Variants in SMARCE1 observed in about 807,000 individuals in gnomAD.
SMARCE1 encodes the protein SWI/SNF-related matrix-associated actin-dependent regulator of chromatin subfamily E member 1.
In SMARCE1, 13 loss-of-function variants were observed where a neutral mutation model predicts 54.9. The observed-to-expected ratio is 0.24, with a 90% CI of 0.15 to 0.38. The LOEUF is 0.38. Among genes scored for constraint, SMARCE1 ranks in the 10% least tolerant of loss-of-function variants. The pLI, the probability that SMARCE1 is intolerant of heterozygous loss-of-function variation, is 1.00. For missense variants in SMARCE1, 295 were observed against 523.8 expected, an observed-to-expected ratio of 0.56 and a Z score of 4.26; for synonymous variants, 151 against 175.3, an observed-to-expected ratio of 0.86 and a Z score of 1.10.
Position 40,632,329 on chromosome 17 carries a change from C to A in SMARCE1, c.580G>T (p.Ala194Ser), listed in dbSNP as rs753397709. 2.5e-6 allele frequency: 4 copies of A among 1,613,962 alleles called. No individual in the cohort carries two copies. The highest frequency in any genetic ancestry group is 2.2e-5 in the East Asian group (1 of 44,890). ...AGGCGGTGGTTTCTCTGGAAACGGG[C>A]GGTGGCTGTATGCTTCATTGAAAAG... The part of the protein sequence containing the change: ...DGFSMKHTAT[A>S]RFQRNHRLIS... Residue 194 changes from alanine (A) to serine (S), a missense_variant, in exon 8 of 11, where the codon GCC becomes TCC. Physicochemically the swap from Ala to Ser is moderately conservative, Grantham distance 99 (BLOSUM62 1). Transcript: ENST00000348513.
rs2037205381 is a variant in SMARCE1 at position 40,642,124 on chromosome 17, A to C, written c.156+331T>G. The C allele has an allele frequency of 2.2e-6, 1 of 457,670 alleles. No homozygotes were observed. The highest frequency in any genetic ancestry group is 3.3e-5 in the South Asian group (1 of 30,008). 28.4% of individuals were successfully genotyped at this position (457,670 alleles called of 1,614,324 possible). The stretch of plus-strand genomic sequence containing the variant: ...TGAGACTAATGCCAATCACCTTATA[A>C]AAATGAAAAATACTCTTTATGTCAA... On this transcript the variant is annotated intron_variant, in intron 4 of 10. Coordinates refer to ENST00000348513, the MANE Select transcript of SMARCE1 (RefSeq NM_003079.5). The surrounding 1 kb of genome is among the most constrained non-coding windows in gnomAD (Gnocchi z 4.6).
intron 10 of SMARCE1, chr17:40,630,023 G>A: frequency 2.3e-6 from 1 of 434,980 alleles, no homozygotes; most frequent in Non-Finnish European, 4.1e-6. Flanking sequence ...TTGCAACGAT[G>A]CTCCAGGAAG....
At position 40,628,689 on chromosome 17, in the gene SMARCE1, A is replaced by G. The variant is rs2037058356; in HGVS notation, c.*96T>C. ...CCTTTGGTGGTGTGATATGGACAAG[A>G]AAAAAAATTAATACACAAACCACGT... On this transcript the variant is annotated 3_prime_UTR_variant, in exon 11 of 11. Coordinates refer to ENST00000348513, the MANE Select transcript of SMARCE1 (RefSeq NM_003079.5). 1.0e-6 allele frequency: 1 copy of G among 995,416 alleles called. No homozygotes were observed. The highest frequency in any genetic ancestry group is 2.4e-5 in the East Asian group (1 of 40,932). 61.7% of individuals were successfully genotyped at this position (995,416 alleles called of 1,614,324 possible).
chr17:40,634,033 T>C (rs1218233732), intron 7 of SMARCE1: 1 of 152,308 alleles, frequency 6.6e-6, no homozygotes, highest in Non-Finnish European at 1.5e-5. Context: ...GCTTCTCTGG[T>C]TATGATCTAA....
rs1159717587 is a variant in SMARCE1, at chr17:40,645,864, A to G, written c.-45-17T>C. 109 of 777,474 alleles carry G rather than the reference A, an allele frequency of 1.4e-4. No homozygotes were observed. Among genetic ancestry groups the G allele is most frequent in the South Asian group, 2.2e-4 (6 of 27,064 alleles). The allele number at this position is 777,474 out of a possible 1,614,324, so 48.2% of individuals were successfully genotyped here. ...TCTGAGACACTAAAATAAAAAAAAAAGGAAAAAAAAAAGAGAATCAAAACT... is the reference window on the plus strand; with the variant it reads ...TCTGAGACACTAAAATAAAAAAAAAGGGAAAAAAAAAAGAGAATCAAAACT... On this transcript the variant is annotated splice_polypyrimidine_tract_variant and intron_variant, in intron 1 of 10. Transcript: ENST00000348513.
In SMARCE1 at chr17:40,627,634, C is replaced by A. The variant is rs977514083; in HGVS notation, c.*1151G>T. ...ATAATGGCTGAGTGGTCATTCCACACTGTCACTGCATTACAGAAAAAAACT... is the reference window on the plus strand; with the variant it reads ...ATAATGGCTGAGTGGTCATTCCACAATGTCACTGCATTACAGAAAAAAACT... On this transcript the variant is annotated 3_prime_UTR_variant, in exon 11 of 11. Coordinates refer to ENST00000348513, the MANE Select transcript of SMARCE1 (RefSeq NM_003079.5). The A allele has an allele frequency of 6.6e-6, 1 of 152,574 alleles. No individual in the cohort carries two copies. The highest frequency in any genetic ancestry group is 1.5e-5 in the Non-Finnish European group (1 of 67,994). The allele number at this position is 152,574 out of a possible 1,614,324, so 9.5% of individuals were successfully genotyped here. A position where few individuals can be genotyped will look rare whatever the true frequency, so the allele number is the denominator to read the frequency against.
At chr17:40,631,752 A>G in intron 8 of SMARCE1, 59 bp from the exon 9 acceptor site, 1 of 917,174 alleles carries the variant, frequency 1.1e-6, no homozygotes, top group Non-Finnish European at 1.8e-6. Context: ...CCATACTTTC[A>G]AACAGTGTAC....
intron 10 of SMARCE1, 26 bp downstream of exon 10, chr17:40,630,688 C>G (rs767158475): frequency 4.4e-6 from 7 of 1,592,120 alleles, no homozygotes; most frequent in Admixed American, 3.3e-5. Flanking sequence ...TTGGCACTGC[C>G]TCTGCGTTTG....
At chr17:40,636,676 CAAG>C (rs1303691362) in intron 5 of SMARCE1, 150 bp from the exon 6 acceptor site, 6 of 588,384 alleles carry the variant, frequency 1.0e-5, no homozygotes, top group Non-Finnish European at 1.5e-5. Context: ...CAAAAATTAT[CAAG>C]AACTGGCCAA....
At chr17:40,639,167 G>C (rs531463375) in intron 4 of SMARCE1, among the ~76,000 whole-genome samples, 1 of 152,276 alleles carries the variant, frequency 6.6e-6, no homozygotes, top group South Asian at 2.1e-4. Flanking sequence ...AAAAGTGGTA[G>C]GATGGGCAGC....
At chr17:40,640,459 C>T (rs1028051082) in intron 4 of SMARCE1, 2 of 152,250 alleles carry the variant, frequency 1.3e-5, no homozygotes, top group Non-Finnish European at 2.9e-5. Flanking sequence ...CCACAAGCTA[C>T]TGGACAGGGC....
intron 5 of SMARCE1, chr17:40,637,271 CTA>C: frequency 1.8e-6 from 1 of 552,904 alleles, no homozygotes; most frequent in South Asian, 2.0e-5. Flanking sequence ...ATAGAACATT[CTA>C]TCTTAAGGAT....
intron 10 of SMARCE1, chr17:40,629,665 C>T (rs1482260042): frequency 6.9e-6 from 3 of 432,882 alleles, no homozygotes; most frequent in Non-Finnish European, 1.2e-5. Flanking sequence ...TGAGTAAAGA[C>T]CTGCAAACCT....
chr17:40,628,904 C>T lies in SMARCE1; in HGVS notation c.1117G>A (p.Gly373Arg), dbSNP rs2037061907. 3.1e-6 allele frequency: 5 copies of T among 1,613,718 alleles called. No homozygotes were observed. In the South Asian group the frequency reaches 4.4e-5, roughly 14 times the overall value. Reference protein sequence around the residue: ...TPEDKESGQEGVDSMAEEGTS... With the variant: ...TPEDKESGQERVDSMAEEGTS... ...CCTTCCTCTGCCATACTGTCGACCCCCTCCTGCCCACTCTCCTTGTCCTCA... is the reference window on the plus strand; with the variant it reads ...CCTTCCTCTGCCATACTGTCGACCCTCTCCTGCCCACTCTCCTTGTCCTCA... The change falls in exon 11 of 11, where the codon GGG becomes AGG. Residue 373 changes from glycine to arginine, a missense_variant. Transcript: ENST00000348513.
intron 9 of SMARCE1, chr17:40,631,134 T>A (rs1009528960): frequency 1.8e-6 from 1 of 541,340 alleles, no homozygotes; most frequent in Non-Finnish European, 3.2e-6. Flanking sequence ...CTAGCAGTTG[T>A]ATAATATAGG....
rs776572596 is a variant in SMARCE1, at chr17:40,642,431, T to A, written c.156+24A>T. The A allele has an allele frequency of 1.5e-6, 2 of 1,333,316 alleles. No individual in the cohort carries two copies. The highest frequency in any genetic ancestry group is 2.2e-6 in the Non-Finnish European group (2 of 923,682). 82.6% of individuals were successfully genotyped at this position (1,333,316 alleles called of 1,614,324 possible). A position where few individuals can be genotyped will look rare whatever the true frequency, so the allele number is the denominator to read the frequency against. ...TGGTCAATTCCAGTTGTTTGCCGGA[T>A]GCTGTAATAGTTGATTCTCCTACCG... is the stretch of plus-strand genomic sequence containing the variant. On this transcript the variant is annotated intron_variant, in intron 4 of 10. Coordinates refer to ENST00000348513, the MANE Select transcript of SMARCE1 (RefSeq NM_003079.5). This position sits in a 1 kb window ranked among gnomAD's most constrained non-coding sequence, Gnocchi z 4.6.
intron 5 of SMARCE1, chr17:40,637,199 C>T (rs553964298): frequency 5.1e-6 from 2 of 394,736 alleles, no homozygotes; most frequent in South Asian, 2.5e-5. Flanking sequence ...TTGCAGTCCT[C>T]CTTCACTTAA....
chr17:40,645,319 C>A (rs2037244871), intron 3 of SMARCE1: 2 of 412,916 alleles, frequency 4.8e-6, no homozygotes, highest in Non-Finnish European at 8.5e-6. Flanking sequence ...ACTTATTTCC[C>A]ATTTACAAAG....
chr17:40,635,552 T>C (rs2037138573), intron 7 of SMARCE1: 1 of 157,196 alleles, frequency 6.4e-6, no homozygotes, highest in Admixed American at 6.5e-5. Flanking sequence ...CTCATTAGCT[T>C]CTCCCTTAAG....
Sources: allele counts gnomAD v4.1 joint callset (sites outside exome capture counted in the v4.1 genomes callset), GRCh38; gene constraint gnomAD v4.1.1; non-coding constraint Gnocchi (gnomAD v3.1); transcripts MANE v1.5; gene names NCBI Gene and HGNC (gene_info 2026-07-23, HGNC 2026-07-21).